TBCCD1: variants seen among roughly 807,000 people sequenced by gnomAD.
TBCCD1 encodes the protein TBCC domain containing 1, also known as TBCC domain-containing protein 1.
Under a neutral mutation model 53.4 loss-of-function variants are expected in TBCCD1, and 26 were observed. That is an observed-to-expected ratio of 0.49 (90% CI 0.36 to 0.68). The LOEUF (loss-of-function observed/expected upper bound fraction) is 0.68. TBCCD1 is among the 30% of genes least tolerant of loss of function. The pLI is 0.00. For missense variants in TBCCD1, 558 were observed against 669.5 expected (o/e 0.83, Z 1.84); for synonymous variants, 245 against 241.7 (o/e 1.01, Z -0.13).
intron 7 of TBCCD1, among the ~76,000 whole-genome samples, chr3:186,550,035 C>T (rs1714323260): frequency 6.6e-6 from 1 of 151,880 alleles, no homozygotes; most frequent in Non-Finnish European, 1.5e-5. Context: ...AAGATCAGCC[C>T]AGCCAACATG....
intron 2 of TBCCD1, among the ~76,000 whole-genome samples, chr3:186,560,798 G>A (rs1337227764): frequency 6.6e-6 from 1 of 152,168 alleles, no homozygotes; most frequent in Non-Finnish European, 1.5e-5. Context: ...AGTTTTAAGA[G>A]GCATCATGAG....
At position 186,556,749 on chromosome 3, in the gene TBCCD1, AGC is replaced by A. The variant is rs770286454; in HGVS notation, c.517_518del (p.Ala173PhefsTer4). ...GATCAGACAGATGATCATAGACAAA[AGC>A]TTGGTGACTGTAATCATTCCAGTTC... ...NKNWNDYSHQ[A>X]FVYDHLSDLL... is the part of the protein sequence containing the mutation. On this transcript the variant is annotated frameshift_variant, in exon 4 of 8. Transcript: ENST00000338733. LOFTEE classifies it high-confidence loss of function. 1 of 1,614,126 alleles carries A rather than the reference AGC, an allele frequency of 6.2e-7. No homozygotes were observed. Among genetic ancestry groups the A allele is most frequent in the Non-Finnish European group, 8.5e-7 (1 of 1,180,002 alleles).
Position 186,554,948 on chromosome 3 carries a change from T to C in TBCCD1, c.996A>G (p.Val332=), listed in dbSNP as rs761817835. The change falls in exon 5 of 8, where the codon GTA becomes GTG. Residue 332 remains valine (V), a synonymous_variant. Transcript: ENST00000338733. Reference sequence around the variant, plus strand: ...AAGATTCGTTGCAACGATGAATCTTTACATGTGCCCCCGCCAGAGTGTCTG... The same window carrying C: ...AAGATTCGTTGCAACGATGAATCTTCACATGTGCCCCCGCCAGAGTGTCTG... ...KSSDTLAGAH[V]KIHRCNESFI... is the part of the protein sequence containing the mutation. The C allele has an allele frequency of 3.1e-6, 5 of 1,613,866 alleles. No individual in the cohort carries two copies. Among genetic ancestry groups the C allele is most frequent in the Admixed American group, 3.3e-5 (2 of 60,022 alleles).
intron 6 of TBCCD1, among the ~76,000 whole-genome samples, chr3:186,552,552 C>G (rs1578965570): frequency 6.6e-6 from 1 of 152,174 alleles, no homozygotes; most frequent in Non-Finnish European, 1.5e-5. Flanking sequence ...GGAGTGGCTA[C>G]TTCTTTACAA....
chr3:186,555,804 A>G (rs1176415627), intron 4 of TBCCD1, among the ~76,000 whole-genome samples: 1 of 152,062 alleles, frequency 6.6e-6, no homozygotes, highest in Non-Finnish European at 1.5e-5. Flanking sequence ...CGCCAACCTC[A>G]GCCTCCCAAA....
intron 2 of TBCCD1, among the ~76,000 whole-genome samples, chr3:186,563,141 G>C (rs1304144381): frequency 6.6e-6 from 1 of 152,240 alleles, no homozygotes; most frequent in East Asian, 1.9e-4. Context: ...TCATCGCTTG[G>C]ATGACAGCAG....
intron 1 of TBCCD1, among the ~76,000 whole-genome samples, 183 bp from the exon 2 acceptor site, chr3:186,564,555 G>GA (rs1457197166): frequency 2.0e-5 from 3 of 151,976 alleles, no homozygotes; most frequent in Non-Finnish European, 4.4e-5. Context: ...TATAATCTGA[G>GA]AAAAAAATTG....
intron 1 of TBCCD1, among the ~76,000 whole-genome samples, chr3:186,565,830 G>A (rs111268719): frequency 1.9e-4 from 29 of 152,260 alleles, no homozygotes; most frequent in African/African-American, 7.0e-4. Context: ...TCTAAAGCTT[G>A]TGAAATATAT....
chr3:186,560,407 G>A (rs962009914), intron 2 of TBCCD1, among the ~76,000 whole-genome samples: 1 of 152,156 alleles, frequency 6.6e-6, no homozygotes, highest in Non-Finnish European at 1.5e-5. Flanking sequence ...ACTGCTAGAT[G>A]CTTACTACTT....
chr3:186,554,049 TG>T (rs1452479328), intron 6 of TBCCD1, among the ~76,000 whole-genome samples: 1 of 152,240 alleles, frequency 6.6e-6, no homozygotes, highest in Non-Finnish European at 1.5e-5. Context: ...GGTTTCACCA[TG>T]TTGGCTAGGC....
chr3:186,547,778 T>C (rs1714256275), intron 7 of TBCCD1, among the ~76,000 whole-genome samples: 1 of 152,116 alleles, frequency 6.6e-6, no homozygotes, highest in East Asian at 1.9e-4. Flanking sequence ...GGCTAATTTT[T>C]TGTATTTTTT....
chr3:186,568,894 C>G (rs148435017), upstream of TBCCD1, among the ~76,000 whole-genome samples: 89 of 143,348 alleles, frequency 6.2e-4, 1 homozygote, highest in East Asian at 0.012. Context: ...CAGAGCGAGA[C>G]TCTGTCTCAG....
At chr3:186,570,312 T>TATGAATGAAATTCCGGGC, upstream of TBCCD1, 1 of 538,114 alleles carries the variant, frequency 1.9e-6, no homozygotes, top group South Asian at 2.7e-5. Flanking sequence ...CGTAGCTGGG[T>TATGAATGAAATTCCGGGC]ATGAATGAAA....
intron 6 of TBCCD1, chr3:186,553,385 ACATT>A (rs2108455769): frequency 6.6e-6 from 1 of 152,342 alleles, no homozygotes; most frequent in South Asian, 2.1e-4. Context: ...TTTTTACAAC[ACATT>A]ATTATAATGT....
chr3:186,568,443 C>A (rs1189050145), upstream of TBCCD1, among the ~76,000 whole-genome samples: 1 of 152,160 alleles, frequency 6.6e-6, no homozygotes, highest in Non-Finnish European at 1.5e-5. Flanking sequence ...GCCAGCCATA[C>A]AATGATCACC....
At chr3:186,554,830 A>C (rs1714485679) in intron 5 of TBCCD1, 68 bp downstream of exon 5, 1 of 1,594,382 alleles carries the variant, frequency 6.3e-7, no homozygotes, top group African/African-American at 1.4e-5. Context: ...ATCTGATGGC[A>C]AAAAAAGAAT....
intron 4 of TBCCD1, among the ~76,000 whole-genome samples, chr3:186,555,446 GCTTTA>G (rs946186677): frequency 6.6e-6 from 1 of 152,164 alleles, no homozygotes; most frequent in South Asian, 2.1e-4. Flanking sequence ...CCTCCAAGAT[GCTTTA>G]CTTTATCATC....
chr3:186,569,818 AG>A (rs1714959302), upstream of TBCCD1, among the ~76,000 whole-genome samples: 1 of 152,092 alleles, frequency 6.6e-6, no homozygotes. Flanking sequence ...AGAGGTAAAG[AG>A]TTGGATAGCT....
At chr3:186,569,333 T>TTTATTTATTTATTTA (rs1416414664), upstream of TBCCD1, among the ~76,000 whole-genome samples, 1 of 151,368 alleles carries the variant, frequency 6.6e-6, no homozygotes, top group African/African-American at 2.4e-5. Flanking sequence ...TATTTATTTA[T>TTTATTTATTTATTTA]TTTGAAACGG....
Sources: allele counts gnomAD v4.1 joint callset (sites outside exome capture counted in the v4.1 genomes callset), GRCh38; gene constraint gnomAD v4.1.1; transcripts MANE v1.5; gene names NCBI Gene and HGNC (gene_info 2026-07-23, HGNC 2026-07-21).